The following ROBO2 variants were observed in gnomAD, a reference collection of about 807,000 sequenced individuals.
ROBO2 encodes the protein roundabout guidance receptor 2.
A neutral mutation model predicts 160.8 loss-of-function variants in ROBO2; 53 were observed. The observed-to-expected ratio is 0.33, with a 90% CI of 0.26 to 0.41. ROBO2 has a LOEUF of 0.41. ROBO2 is among the 10% of genes least tolerant of loss of function. The pLI, the probability that ROBO2 is intolerant of heterozygous loss-of-function variation, is 1.00. For missense variants in ROBO2, 1,577 were observed against 1,722.4 expected (o/e 0.92, Z 1.49); for synonymous variants, 664 against 611.7 (o/e 1.09, Z -1.26).
At chr3:76,306,396 A>T (rs2071341693) in intron 2 of ROBO2, among the ~76,000 whole-genome samples, 1 of 152,064 alleles carries the variant, frequency 6.6e-6, no homozygotes, top group Admixed American at 6.6e-5. Context: ...AGAGATTAGT[A>T]AAAATTATAT....
intron 2 of ROBO2, among the ~76,000 whole-genome samples, chr3:76,314,317 C>A (rs2071817252): frequency 6.6e-6 from 1 of 152,100 alleles, no homozygotes; most frequent in African/African-American, 2.4e-5. Context: ...TGTTCGATTA[C>A]CTTCACCATG....
chr3:76,117,687 C>T (rs757088669), intron 2 of ROBO2, among the ~76,000 whole-genome samples: 13 of 151,998 alleles, frequency 8.6e-5, no homozygotes, highest in Non-Finnish European at 1.3e-4. Context: ...TACTGTGCTA[C>T]GTTTTGGAAT....
chr3:76,436,873 G>T (rs1299487778), intron 2 of ROBO2, among the ~76,000 whole-genome samples: 2 of 152,086 alleles, frequency 1.3e-5, no homozygotes, highest in Non-Finnish European at 2.9e-5. Flanking sequence ...GGGTGCTCTG[G>T]CTCAGACAAG....
At chr3:76,724,094 A>T (rs2093508966) in intron 2 of ROBO2, among the ~76,000 whole-genome samples, 1 of 151,908 alleles carries the variant, frequency 6.6e-6, no homozygotes, top group East Asian at 1.9e-4. Context: ...CATGAATTCC[A>T]CTCTTGGCAC....
rs537661376 is a variant in ROBO2, at chr3:75,997,890, A to G, written c.109+60288A>G. ...AACTGTGGAGTCTACCCAGTAACCAATATCTGTAATGGTATTAAGTACCAC... is the reference window on the plus strand; with the variant it reads ...AACTGTGGAGTCTACCCAGTAACCAGTATCTGTAATGGTATTAAGTACCAC... On this transcript the variant is annotated intron_variant, in intron 2 of 26. Coordinates refer to the ROBO2 transcript ENST00000487694. Among the ~76,000 whole-genome samples, 206 of 152,268 alleles carry G rather than the reference A, an allele frequency of 1.4e-3. 3 individuals carry two copies. Among genetic ancestry groups the G allele is most frequent in the South Asian group, 2.9e-3 (14 of 4,832 alleles).
At chr3:76,071,529 T>C (rs976094271) in intron 2 of ROBO2, among the ~76,000 whole-genome samples, 10 of 152,168 alleles carry the variant, frequency 6.6e-5, no homozygotes, top group Non-Finnish European at 1.3e-4. Flanking sequence ...TTATGTGCTT[T>C]GCAACATTTA....
chr3:76,771,888 A>C (rs2061928490), intron 2 of ROBO2, among the ~76,000 whole-genome samples: 1 of 151,282 alleles, frequency 6.6e-6, no homozygotes, highest in Non-Finnish European at 1.5e-5. Context: ...GCTTGGTATA[A>C]ACTACTGAGT....
intron 2 of ROBO2, among the ~76,000 whole-genome samples, chr3:77,469,202 G>C (rs1365161127): frequency 2.6e-5 from 4 of 152,112 alleles, no homozygotes; most frequent in African/African-American, 9.7e-5. Flanking sequence ...AAATATAAAA[G>C]GAAACATACC....
intron 2 of ROBO2, among the ~76,000 whole-genome samples, chr3:76,883,340 C>T (rs1177763747): frequency 6.6e-6 from 1 of 152,070 alleles, no homozygotes; most frequent in Non-Finnish European, 1.5e-5. Flanking sequence ...GAAACCTATT[C>T]TTAATTATTT....
At chr3:75,993,951 A>G (rs1290373610) in intron 2 of ROBO2, among the ~76,000 whole-genome samples, 2 of 152,126 alleles carry the variant, frequency 1.3e-5, no homozygotes, top group Non-Finnish European at 2.9e-5. Flanking sequence ...AATACTATTT[A>G]CTTTATTTAC....
intron 2 of ROBO2, among the ~76,000 whole-genome samples, chr3:76,073,048 A>C (rs2107972526): frequency 6.6e-6 from 1 of 152,222 alleles, no homozygotes; most frequent in African/African-American, 2.4e-5. Context: ...TTTTGTCCCT[A>C]TTCTTTCCCC....
At chr3:76,612,588 CA>C (rs2088217232) in intron 2 of ROBO2, among the ~76,000 whole-genome samples, 1 of 152,056 alleles carries the variant, frequency 6.6e-6, no homozygotes, top group South Asian at 2.1e-4. Flanking sequence ...GACAAATACC[CA>C]ATGCATGTGG....
At chr3:76,115,339 C>G (rs2108260382) in intron 2 of ROBO2, among the ~76,000 whole-genome samples, 1 of 152,232 alleles carries the variant, frequency 6.6e-6, no homozygotes, top group East Asian at 1.9e-4. Context: ...TTGCGTAATA[C>G]AATGAGTTAT....
intron 2 of ROBO2, among the ~76,000 whole-genome samples, chr3:76,830,035 C>G (rs567152119): frequency 6.6e-6 from 1 of 152,132 alleles, no homozygotes; most frequent in Non-Finnish European, 1.5e-5. Context: ...GTTTTGAAAC[C>G]ACCTCCAATC....
chr3:77,519,444 T>G (rs985005042), intron 5 of ROBO2, among the ~76,000 whole-genome samples: 4 of 151,186 alleles, frequency 2.6e-5, no homozygotes, highest in African/African-American at 9.7e-5. Flanking sequence ...GGGTACAAAT[T>G]GTGCCATCAC....
At chr3:76,099,994 G>T (rs907077315) in intron 2 of ROBO2, among the ~76,000 whole-genome samples, 3 of 152,170 alleles carry the variant, frequency 2.0e-5, no homozygotes, top group African/African-American at 7.2e-5. Flanking sequence ...GTTTTCTGAG[G>T]TTCCAGATAG....
rs536561777 is a variant in ROBO2, at chr3:76,216,826, G to C, written c.109+279224G>C. 2.6e-5 allele frequency among the ~76,000 whole-genome samples: 4 copies of C among 152,252 alleles called. No individual in the cohort carries two copies. The South Asian group carries it at 8.3e-4, about 32-fold the overall frequency. ...CAAGCGGACCTAATAGACATCTACA[G>C]AACTCTCCACCCAAAATCAACAGAA... On this transcript the variant is annotated intron_variant, in intron 2 of 26. Transcript: ENST00000487694.
intron 2 of ROBO2, among the ~76,000 whole-genome samples, chr3:76,063,633 A>C (rs1411717406): frequency 6.6e-6 from 1 of 151,984 alleles, no homozygotes; most frequent in Admixed American, 6.6e-5. Context: ...GGCATAAGCC[A>C]CTGTACCCAG....
intron 2 of ROBO2, among the ~76,000 whole-genome samples, chr3:76,359,685 A>AT (rs1368877711): frequency 6.6e-6 from 1 of 151,798 alleles, no homozygotes. Flanking sequence ...TTGTTACTGG[A>AT]TTTTTTTGTC....
Sources: allele counts gnomAD v4.1 joint callset (sites outside exome capture counted in the v4.1 genomes callset), GRCh38; gene constraint gnomAD v4.1.1; transcripts MANE v1.5; gene names NCBI Gene and HGNC (gene_info 2026-07-23, HGNC 2026-07-21).